TMEM144: variants seen among roughly 807,000 people sequenced by gnomAD.
TMEM144 encodes transmembrane protein 144.
Under a neutral mutation model 43.6 loss-of-function variants are expected in TMEM144, and 39 were observed. That is an observed-to-expected ratio of 0.90 (90% CI 0.69 to 1.17). TMEM144 has a LOEUF of 1.17. TMEM144 is among the 50% of genes most tolerant of loss of function. The pLI is 0.00. For missense variants in TMEM144, 417 were observed against 411.9 expected, an observed-to-expected ratio of 1.01 and a Z score of -0.11; for synonymous variants, 154 against 133.6, an observed-to-expected ratio of 1.15 and a Z score of -1.06.
rs771409547 is a variant in TMEM144 at position 158,229,386 on chromosome 4, C to T, written c.414-3515C>T. On this transcript the variant is annotated intron_variant, in intron 6 of 12. Transcript: ENST00000296529. Reference sequence around the variant, plus strand: ...ATGCCTTCTTCTTCATCTGGGATCTCGGACCCCAAGAGGCACCAACCTGAT... The same window carrying T: ...ATGCCTTCTTCTTCATCTGGGATCTTGGACCCCAAGAGGCACCAACCTGAT... Among the ~76,000 whole-genome samples the T allele has an allele frequency of 2.6e-5, 4 of 152,098 alleles. No homozygotes were observed. The East Asian group carries it at 5.8e-4, about 22-fold the overall frequency.
chr4:158,238,626 A>G (rs2111139011), intron 9 of TMEM144, among the ~76,000 whole-genome samples: 1 of 152,366 alleles, frequency 6.6e-6, no homozygotes, highest in Admixed American at 6.5e-5. Flanking sequence ...GGTATATAAA[A>G]GGAACCAGAA....
intron 8 of TMEM144, among the ~76,000 whole-genome samples, chr4:158,236,686 A>AT (rs983913343): frequency 2.0e-5 from 3 of 151,638 alleles, no homozygotes; most frequent in East Asian, 1.9e-4. Flanking sequence ...TTTTTGTGTG[A>AT]TTTTTTTGTT....
rs753518606 is a variant in TMEM144 at position 158,232,863 on chromosome 4, AT to A, written c.414-36del. On this transcript the variant is annotated intron_variant, in intron 6 of 12. Transcript: ENST00000296529. ...ATCAAGCAGCTTGATATAAACCAGT[AT>A]TATGATAAATATCACTAAAATTTAT... The A allele has an allele frequency of 2.1e-6, 3 of 1,418,066 alleles. No homozygotes were observed. The Admixed American group carries it at 5.4e-5, about 25-fold the overall frequency. The allele number at this position is 1,418,066 out of a possible 1,614,324, so 87.8% of individuals were successfully genotyped here. A position where few individuals can be genotyped will look rare whatever the true frequency, so the allele number is the denominator to read the frequency against.
At chr4:158,249,628 G>A (rs1736078746) in intron 12 of TMEM144, among the ~76,000 whole-genome samples, 1 of 152,146 alleles carries the variant, frequency 6.6e-6, no homozygotes, top group African/African-American at 2.4e-5. Flanking sequence ...TGTCTACATA[G>A]GTAATAAAAT....
chr4:158,252,357 C>A (rs1381635109), intron 12 of TMEM144, among the ~76,000 whole-genome samples: 1 of 152,174 alleles, frequency 6.6e-6, no homozygotes, highest in East Asian at 1.9e-4. Context: ...CCATCTCCAT[C>A]TCTCCATCTA....
rs143209569 is a variant in TMEM144 at position 158,249,717 on chromosome 4, C to T, written c.955-3727C>T. ...ACCCATTTTTTAATTTAAGTAATTGCATCAATTTCAAATTCACAAAATATA... is the reference window on the plus strand; with the variant it reads ...ACCCATTTTTTAATTTAAGTAATTGTATCAATTTCAAATTCACAAAATATA... On this transcript the variant is annotated intron_variant, in intron 12 of 12. Transcript: ENST00000296529. Among the ~76,000 whole-genome samples the T allele has an allele frequency of 2.0e-5, 3 of 152,208 alleles. 1 individual carries two copies. In the East Asian group the frequency reaches 5.8e-4, roughly 29 times the overall value.
intron 10 of TMEM144, among the ~76,000 whole-genome samples, chr4:158,240,845 A>G (rs1735598598): frequency 6.6e-6 from 1 of 152,250 alleles, no homozygotes; most frequent in African/African-American, 2.4e-5. Context: ...GATGACTTCA[A>G]AAAAGACATA....
chr4:158,240,286 T>C lies in TMEM144; in HGVS notation c.683-13T>C. ...TAAAATGGTGTTTGAGAGTTTTTAA[T>C]GTCTATTTTCAGATTTAGACTATGT... On this transcript the variant is annotated splice_polypyrimidine_tract_variant and intron_variant, in intron 9 of 12. Transcript: ENST00000296529. The C allele has an allele frequency of 1.3e-6, 2 of 1,596,600 alleles. No homozygotes were observed. The highest frequency in any genetic ancestry group is 4.5e-5 in the East Asian group (2 of 44,768).
At chr4:158,214,071 C>G (rs551470923) in intron 3 of TMEM144, 7 of 152,242 alleles carry the variant, frequency 4.6e-5, no homozygotes, top group Admixed American at 4.6e-4. Flanking sequence ...GAGTCTCACT[C>G]TTTCACCGAG....
intron 7 of TMEM144, 34 bp from the exon 8 acceptor site, chr4:158,235,404 C>A (rs773648806): frequency 6.2e-7 from 1 of 1,607,094 alleles, no homozygotes. Flanking sequence ...ATTGAATGTT[C>A]TTTTGTTTTA....
Position 158,219,308 on chromosome 4 carries a change from A to T in TMEM144, c.333-2A>T, listed in dbSNP as rs751110990. 1 of 1,613,676 alleles carries T rather than the reference A, an allele frequency of 6.2e-7. No individual in the cohort carries two copies. On this transcript the variant is annotated splice_acceptor_variant, in intron 5 of 12. Transcript: ENST00000296529. LOFTEE classifies it high-confidence loss of function. ...ATTTGATGTGACTTTCTGGATTTTC[A>T]GGTTTGGCTGGTTTGGATTGGATGC...
At chr4:158,242,972 T>C (rs1735702961) in intron 11 of TMEM144, among the ~76,000 whole-genome samples, 1 of 152,208 alleles carries the variant, frequency 6.6e-6, no homozygotes, top group Admixed American at 6.5e-5. Flanking sequence ...CAAAGCACCC[T>C]TCCTGTAACC....
At position 158,240,057 on chromosome 4, in the gene TMEM144, T is replaced by C. The variant is rs111267654; in HGVS notation, c.683-242T>C. ...CCTGCCACCACACCTGGCTAATTTT[T>C]TGTATTTTTAGTAAAGGCAGGGTTT... On this transcript the variant is annotated intron_variant, in intron 9 of 12. Coordinates refer to ENST00000296529, the MANE Select transcript of TMEM144 (RefSeq NM_018342.5). Among the ~76,000 whole-genome samples, 783 of 152,160 alleles carry C rather than the reference T, an allele frequency of 5.1e-3. 6 individuals are homozygous for C. The highest frequency in any genetic ancestry group is 0.018 in the African/African-American group (740 of 41,506).
chr4:158,213,396 TC>T (rs1322220629), intron 3 of TMEM144: 2 of 152,048 alleles, frequency 1.3e-5, no homozygotes, highest in Non-Finnish European at 2.9e-5. Flanking sequence ...GGAGCAAACT[TC>T]TGGTGTTTTT....
chr4:158,212,766 T>C lies in TMEM144; in HGVS notation c.99T>C (p.Asp33=). The C allele has an allele frequency of 6.2e-7, 1 of 1,609,994 alleles. No homozygotes were observed. The highest frequency in any genetic ancestry group is 1.7e-5 in the Admixed American group (1 of 59,986). The change falls in exon 3 of 13, where the codon GAT becomes GAC. Residue 33 remains aspartate, a synonymous_variant. Coordinates refer to ENST00000296529, the MANE Select transcript of TMEM144 (RefSeq NM_018342.5). ...GSNFVPLKKF[D]TGDGMFLQWV... ...ATTTTGTGCCACTTAAAAAATTTGA[T>C]ACTGGTGATGGTAATTATTTTTCCT... is the stretch of plus-strand genomic sequence containing the variant.
intron 12 of TMEM144, among the ~76,000 whole-genome samples, chr4:158,245,920 C>A (rs1735870569): frequency 6.6e-6 from 1 of 151,772 alleles, no homozygotes; most frequent in Admixed American, 6.6e-5. Context: ...TGAGTGAAAC[C>A]CTGTCTCCTC....
chr4:158,244,106 A>G (rs1022728683), intron 11 of TMEM144, among the ~76,000 whole-genome samples, 190 bp from the exon 12 acceptor site: 3 of 152,294 alleles, frequency 2.0e-5, no homozygotes, highest in African/African-American at 7.2e-5. Flanking sequence ...TGAAGAAAAG[A>G]AAATGAAAAA....
chr4:158,218,647 A>T (rs1734355692), intron 5 of TMEM144, among the ~76,000 whole-genome samples: 1 of 152,152 alleles, frequency 6.6e-6, no homozygotes, highest in South Asian at 2.1e-4. Flanking sequence ...GAAATTTTTT[A>T]AAAGTCTACT....
At position 158,215,204 on chromosome 4, in the gene TMEM144, G is replaced by C; in HGVS notation, c.123G>C (p.Gln41His). The part of the protein sequence containing the change: ...KFDTGDGMFL[Q>H]WVLCAAIWLV... ...GTTTATTTCTAGGAATGTTTCTCCA[G>C]TGGGTTCTTTGTGCTGCCATATGGT... Residue 41 changes from glutamine (Q) to histidine (H), a missense_variant, in exon 4 of 13, where the codon CAG becomes CAC. By Grantham distance (24) the Gln-to-His change is conservative (BLOSUM62 0). Transcript: ENST00000296529. The C allele has an allele frequency of 1.2e-6, 2 of 1,613,724 alleles. No homozygotes were observed. Among genetic ancestry groups the C allele is most frequent in the Non-Finnish European group, 1.7e-6 (2 of 1,179,724 alleles).
Sources: allele counts gnomAD v4.1 joint callset (sites outside exome capture counted in the v4.1 genomes callset), GRCh38; gene constraint gnomAD v4.1.1; transcripts MANE v1.5; gene names NCBI Gene and HGNC (gene_info 2026-07-23, HGNC 2026-07-21).